The following VPS35L variants were observed in gnomAD, a reference collection of about 807,000 sequenced individuals.
VPS35L encodes VPS35 endosomal protein-sorting factor-like.
Under a neutral mutation model 133.0 loss-of-function variants are expected in VPS35L, and 83 were observed. The ratio of observed to expected loss-of-function variants is 0.62; its 90% CI spans 0.52 to 0.75. The LOEUF is 0.75. VPS35L is among the 30% of genes least tolerant of loss of function. VPS35L has a pLI of 0.00. For missense variants in VPS35L, 1,083 were observed against 1,206.8 expected, an observed-to-expected ratio of 0.90 and a Z score of 1.52; for synonymous variants, 423 against 449.9, an observed-to-expected ratio of 0.94 and a Z score of 0.76.
intron 28 of VPS35L, among the ~76,000 whole-genome samples, chr16:19,682,951 G>A (rs903174918): frequency 6.6e-6 from 1 of 151,950 alleles, no homozygotes. Flanking sequence ...TTGAGACAAG[G>A]TCTCACTCTG....
chr16:19,564,903 GCTGTA>G lies in VPS35L; in HGVS notation c.72_76del (p.Val25IlefsTer51). 1.2e-6 allele frequency: 2 copies of G among 1,613,674 alleles called. No homozygotes were observed. Among genetic ancestry groups the G allele is most frequent in the Non-Finnish European group, 1.7e-6 (2 of 1,179,698 alleles). ...TGAATTTGCATCATGCCGACTGGAG[GCTGTA>G]CCATTGGAGTTTGGGGACTATCACC... On this transcript the variant is annotated frameshift_variant, in exon 2 of 31. Transcript: ENST00000417362. LOFTEE classifies it high-confidence loss of function.
intron 26 of VPS35L, among the ~76,000 whole-genome samples, chr16:19,667,868 G>A (rs1299396114): frequency 6.6e-6 from 1 of 151,942 alleles, no homozygotes; most frequent in Non-Finnish European, 1.5e-5. Flanking sequence ...GCCCATGACA[G>A]TACCCTGTTC....
At chr16:19,645,259 G>A (rs1973904467) in intron 23 of VPS35L, among the ~76,000 whole-genome samples, 1 of 151,176 alleles carries the variant, frequency 6.6e-6, no homozygotes, top group Non-Finnish European at 1.5e-5. Flanking sequence ...TCTCCGGGAT[G>A]TCATCAGGAC....
At chr16:19,621,700 A>C (rs1973086440) in intron 14 of VPS35L, among the ~76,000 whole-genome samples, 1 of 152,220 alleles carries the variant, frequency 6.6e-6, no homozygotes, top group Admixed American at 6.5e-5. Context: ...AAAAATCAGT[A>C]ACCTCCAGCA....
chr16:19,658,299 G>T (rs1415158740), intron 26 of VPS35L, among the ~76,000 whole-genome samples: 1 of 152,202 alleles, frequency 6.6e-6, no homozygotes, highest in African/African-American at 2.4e-5. Flanking sequence ...GGAGGCCGAA[G>T]TGGATGGATC....
rs1567470384 is a variant in VPS35L at position 19,666,904 on chromosome 16, CTTTCTTT to C, written c.2222-2255_2222-2249del. On this transcript the variant is annotated intron_variant, in intron 26 of 30. Transcript: ENST00000417362. ...TCTTTCTTTCTTTCTTTCTTTCTTT[CTTTCTTT>C]CTTTCTTTCTTTCTTTCTTTCTTCC... Among the ~76,000 whole-genome samples the C allele has an allele frequency of 8.5e-4, 69 of 80,732 alleles. 1 individual carries two copies. The highest frequency in any genetic ancestry group is 8.0e-4 in the South Asian group (2 of 2,488). The allele number at this position is 80,732 out of a possible 152,430, so 53.0% of individuals were successfully genotyped here. A position where few individuals can be genotyped will look rare whatever the true frequency, so the allele number is the denominator to read the frequency against.
chr16:19,659,941 G>GA (rs1974424360), intron 26 of VPS35L, among the ~76,000 whole-genome samples: 1 of 152,186 alleles, frequency 6.6e-6, no homozygotes, highest in Admixed American at 6.5e-5. Flanking sequence ...CCTTGAGAGA[G>GA]AGTGATGATT....
In VPS35L at chr16:19,616,792, C is replaced by T; in HGVS notation, c.1208C>T (p.Ser403Phe). The change falls in exon 14 of 31, where the codon TCC becomes TTC. Residue 403 changes from serine to phenylalanine, a missense_variant. Coordinates refer to ENST00000417362, the MANE Select transcript of VPS35L (RefSeq NM_020314.7). Reference protein sequence around the residue: ...PAMDWIFQCISYHAPEALLTE... With the variant: ...PAMDWIFQCIFYHAPEALLTE... ...ATGGACTGGATCTTCCAGTGCATCT[C>T]CTACCATGCCCCCGAGGTAACTGCC... The T allele has an allele frequency of 6.2e-7, 1 of 1,614,238 alleles. No homozygotes were observed. The highest frequency in any genetic ancestry group is 2.2e-5 in the East Asian group (1 of 44,878).
intron 26 of VPS35L, 132 bp downstream of exon 26, chr16:19,652,222 G>A: frequency 1.4e-6 from 1 of 700,518 alleles, no homozygotes; most frequent in Non-Finnish European, 2.5e-6. Context: ...TGTCACCCAG[G>A]CTGGAATGTA....
chr16:19,555,877 T>C (rs1232035107), intron 1 of VPS35L, 131 bp downstream of exon 1: 1 of 1,321,016 alleles, frequency 7.6e-7, no homozygotes, highest in Non-Finnish European at 1.0e-6. Context: ...CAAGTTGTCT[T>C]GACCGTAGAA....
At position 19,585,500 on chromosome 16, in the gene VPS35L, C is replaced by T. The variant is rs79078037; in HGVS notation, c.639+3847C>T. On this transcript the variant is annotated intron_variant, in intron 7 of 30. Transcript: ENST00000417362. Reference sequence around the variant, plus strand: ...TCACTCCAGCCTCAAACTCTGGCCTCAAGCGATCCTCCCGCCTCAGCCTTC... The same window carrying T: ...TCACTCCAGCCTCAAACTCTGGCCTTAAGCGATCCTCCCGCCTCAGCCTTC... 1.9e-3 allele frequency among the ~76,000 whole-genome samples: 288 copies of T among 151,398 alleles called. 8 individuals are homozygous for T. The East Asian group carries it at 0.041, about 22-fold the overall frequency.
chr16:19,693,385 A>G (rs1975771153), intron 29 of VPS35L, among the ~76,000 whole-genome samples: 1 of 152,158 alleles, frequency 6.6e-6, no homozygotes, highest in East Asian at 1.9e-4. Context: ...TCAGACCTGT[A>G]ATCCCAACAT....
At chr16:19,653,304 C>T (rs1198267001) in intron 26 of VPS35L, among the ~76,000 whole-genome samples, 1 of 152,142 alleles carries the variant, frequency 6.6e-6, no homozygotes, top group Non-Finnish European at 1.5e-5. Flanking sequence ...CAACAGGGTA[C>T]CCACCCTGCA....
At chr16:19,636,013 G>A (rs763570613) in intron 19 of VPS35L, among the ~76,000 whole-genome samples, 27 of 152,012 alleles carry the variant, frequency 1.8e-4, no homozygotes, top group East Asian at 5.8e-4. Flanking sequence ...GCAAAACCCC[G>A]TCACTACTAA....
At chr16:19,627,250 C>T (rs1026305563) in intron 15 of VPS35L, among the ~76,000 whole-genome samples, 2 of 150,610 alleles carry the variant, frequency 1.3e-5, no homozygotes, top group Non-Finnish European at 2.9e-5. Flanking sequence ...GACACTACTC[C>T]AGCCTGGGCA....
chr16:19,659,439 A>G (rs1974410107), intron 26 of VPS35L, among the ~76,000 whole-genome samples: 1 of 152,214 alleles, frequency 6.6e-6, no homozygotes, highest in Non-Finnish European at 1.5e-5. Flanking sequence ...TTAAGTGTTG[A>G]TATTCAGAAT....
intron 28 of VPS35L, among the ~76,000 whole-genome samples, chr16:19,686,909 C>T (rs1344364607): frequency 6.6e-6 from 1 of 152,140 alleles, no homozygotes; most frequent in Non-Finnish European, 1.5e-5. Flanking sequence ...CTGTACTGCC[C>T]CCCCTTCCTT....
intron 28 of VPS35L, among the ~76,000 whole-genome samples, chr16:19,688,370 G>A (rs999200898): frequency 6.6e-5 from 10 of 152,148 alleles, no homozygotes; most frequent in South Asian, 2.1e-4. Context: ...TCAATGGGGC[G>A]AGAAAAGCAC....
intron 27 of VPS35L, among the ~76,000 whole-genome samples, chr16:19,671,468 C>CAAA (rs36049125): frequency 7.5e-6 from 1 of 134,220 alleles, no homozygotes; most frequent in Admixed American, 7.7e-5. Flanking sequence ...GACTCCATCT[C>CAAA]AAAAAAAAAA....
Sources: gnomAD v4.1 joint callset for allele counts (sites outside exome capture counted in the v4.1 genomes callset) on GRCh38, gnomAD v4.1.1 for gene constraint, MANE v1.5 for transcripts, NCBI Gene and HGNC (gene_info 2026-07-23, HGNC 2026-07-21) for gene names.